The following C12orf42 variants were observed in gnomAD, a reference collection of about 807,000 sequenced individuals.
C12orf42 encodes the protein chromosome 12 open reading frame 42.
C12orf42 carries 25 observed loss-of-function variants against 21.6 expected under a neutral mutation model. That is an observed-to-expected ratio of 1.16 (90% CI 0.84 to 1.62). C12orf42 has a LOEUF of 1.62. Ranked by LOEUF, C12orf42 falls within the 40% of genes most tolerant of loss-of-function variation. C12orf42 has a pLI of 0.00. For missense variants in C12orf42, 483 were observed against 459.3 expected (o/e 1.05, Z -0.47); for synonymous variants, 174 against 175.0 (o/e 0.99, Z 0.05).
chr12:103,521,961 A>G, the C12orf42 span, among the ~76,000 whole-genome samples: 1 of 152,170 alleles, frequency 6.6e-6, no homozygotes, highest in Non-Finnish European at 1.5e-5. Context: ...GGATAACCAG[A>G]CCTGATCCTT....
At chr12:103,071,445 C>T in the C12orf42 span, among the ~76,000 whole-genome samples, 1 of 152,204 alleles carries the variant, frequency 6.6e-6, no homozygotes, top group South Asian at 2.1e-4. Context: ...TGAAATCACA[C>T]CCTCAATCAG....
the C12orf42 span, among the ~76,000 whole-genome samples, chr12:103,198,636 C>T: frequency 6.6e-6 from 1 of 152,228 alleles, no homozygotes. Context: ...GCTCAAATGT[C>T]CATGGGGTTC....
At chr12:103,079,505 C>T in the C12orf42 span, among the ~76,000 whole-genome samples, 1 of 152,170 alleles carries the variant, frequency 6.6e-6, no homozygotes, top group Non-Finnish European at 1.5e-5. Context: ...GGACAAGTTT[C>T]AAGACATGTG....
the C12orf42 span, among the ~76,000 whole-genome samples, chr12:103,192,443 C>T: frequency 6.8e-6 from 1 of 147,678 alleles, no homozygotes; most frequent in Non-Finnish European, 1.5e-5. Flanking sequence ...GCAGAGGTTG[C>T]AGCTAAGCCA....
intron 4 of C12orf42, among the ~76,000 whole-genome samples, chr12:103,277,734 C>T: frequency 6.6e-6 from 1 of 152,020 alleles, no homozygotes; most frequent in Non-Finnish European, 1.5e-5. Flanking sequence ...ATTCTCCTGC[C>T]TCAACCTCCT....
intron 2 of C12orf42, among the ~76,000 whole-genome samples, chr12:103,444,455 C>A (rs1024771905): frequency 6.6e-6 from 1 of 152,068 alleles, no homozygotes; most frequent in African/African-American, 2.4e-5. Context: ...TTTTGAAATG[C>A]ATTAAAATAT....
intron 2 of C12orf42, among the ~76,000 whole-genome samples, chr12:103,404,738 G>A (rs927134594): frequency 1.5e-4 from 23 of 152,162 alleles, no homozygotes; most frequent in African/African-American, 5.3e-4. Flanking sequence ...AAGAAATACG[G>A]TTACAGCCCA....
chr12:103,195,271 T>G, the C12orf42 span, among the ~76,000 whole-genome samples: 1 of 152,142 alleles, frequency 6.6e-6, no homozygotes, highest in South Asian at 2.1e-4. Flanking sequence ...GCATGTGTAT[T>G]TATGGTAGAA....
At chr12:103,294,448 A>AAGGAGAGAG (rs1249942562) in intron 4 of C12orf42, among the ~76,000 whole-genome samples, 64 of 128,888 alleles carry the variant, frequency 5.0e-4, no homozygotes, top group African/African-American at 2.1e-3. Context: ...GAAAGAAAGA[A>AAGGAGAGAG]AGAAAGAAAG....
the C12orf42 span, among the ~76,000 whole-genome samples, chr12:103,514,736 A>G: frequency 6.6e-6 from 1 of 152,020 alleles, no homozygotes; most frequent in East Asian, 1.9e-4. Context: ...CCCTCAGACA[A>G]TTCTATACAA....
At chr12:103,177,659 A>G in the C12orf42 span, among the ~76,000 whole-genome samples, 1 of 151,976 alleles carries the variant, frequency 6.6e-6, no homozygotes, top group African/African-American at 2.4e-5. Flanking sequence ...AGATAATAAG[A>G]CTCCTTTAAG....
At chr12:103,091,872 A>C in the C12orf42 span, among the ~76,000 whole-genome samples, 1 of 152,186 alleles carries the variant, frequency 6.6e-6, no homozygotes, top group Non-Finnish European at 1.5e-5. Flanking sequence ...CACGAGGAAA[A>C]GTCTCTTTTA....
At position 103,368,203 on chromosome 12, in the gene C12orf42, G is replaced by T. The variant is rs1317421133; in HGVS notation, c.259+684C>A. The T allele has an allele frequency of 7.8e-6, 4 of 509,808 alleles. No individual in the cohort carries two copies. The East Asian group carries it at 2.1e-4, about 27-fold the overall frequency. The allele number at this position is 509,808 out of a possible 1,614,324, so 31.6% of individuals were successfully genotyped here. ...ACTAATACAATTATATATCTTTTGGGCTTGACACAAAATGATGTTCTTTTG... is the reference window on the plus strand; with the variant it reads ...ACTAATACAATTATATATCTTTTGGTCTTGACACAAAATGATGTTCTTTTG... On this transcript the variant is annotated intron_variant, in intron 4 of 5. Transcript: ENST00000548883.
At chr12:103,324,069 G>GT (rs1412461560) in intron 4 of C12orf42, among the ~76,000 whole-genome samples, 2 of 152,138 alleles carry the variant, frequency 1.3e-5, no homozygotes, top group African/African-American at 4.8e-5. Context: ...TTTAAAATGT[G>GT]TAACTTCTTT....
At chr12:103,139,887 A>G in the C12orf42 span, among the ~76,000 whole-genome samples, 15 of 152,366 alleles carry the variant, frequency 9.8e-5, no homozygotes, top group East Asian at 1.3e-3. Flanking sequence ...ACTGTGAAAA[A>G]TAGCTATTTT....
chr12:103,327,986 C>A (rs776281216), intron 4 of C12orf42, among the ~76,000 whole-genome samples: 11 of 152,132 alleles, frequency 7.2e-5, no homozygotes, highest in Non-Finnish European at 1.3e-4. Flanking sequence ...GATCTTGACT[C>A]AGAAATGGCT....
intron 4 of C12orf42, among the ~76,000 whole-genome samples, chr12:103,329,057 T>C (rs1426863711): frequency 6.6e-6 from 1 of 151,850 alleles, no homozygotes; most frequent in Non-Finnish European, 1.5e-5. Flanking sequence ...AGCGCAGGGA[T>C]GCAGGCATGC....
intron 3 of C12orf42, among the ~76,000 whole-genome samples, chr12:103,394,503 AC>A (rs1313313124): frequency 2.0e-5 from 3 of 152,184 alleles, no homozygotes; most frequent in Non-Finnish European, 4.4e-5. Flanking sequence ...CCTGTTTATG[AC>A]CAACTCTCCT....
the C12orf42 span, among the ~76,000 whole-genome samples, chr12:103,051,776 C>T: frequency 6.6e-6 from 1 of 152,162 alleles, no homozygotes; most frequent in Non-Finnish European, 1.5e-5. Flanking sequence ...TATTGTGCCA[C>T]TCAGTCTCTG....
Sources: allele counts gnomAD v4.1 joint callset (sites outside exome capture counted in the v4.1 genomes callset), GRCh38; gene constraint gnomAD v4.1.1; transcripts MANE v1.5; gene names NCBI Gene and HGNC (gene_info 2026-07-23, HGNC 2026-07-21).